SYNJ2: variants seen among roughly 807,000 people sequenced by gnomAD.
The protein encoded by SYNJ2 is synaptojanin 2.
SYNJ2 carries 116 observed loss-of-function variants against 141.3 expected under a neutral mutation model. The observed-to-expected ratio is 0.82, with a 90% CI of 0.71 to 0.96. The LOEUF is 0.96. Among genes scored for constraint, SYNJ2 ranks in the 40% least tolerant of loss-of-function variants. The pLI is 0.00. For missense variants in SYNJ2, 1,873 were observed against 1,934.8 expected, an observed-to-expected ratio of 0.97 and a Z score of 0.60; for synonymous variants, 745 against 777.7, an observed-to-expected ratio of 0.96 and a Z score of 0.70.
intron 1 of SYNJ2, among the ~76,000 whole-genome samples, chr6:157,983,326 ATTAAG>A (rs1393303359): frequency 2.6e-5 from 4 of 152,240 alleles, no homozygotes; most frequent in African/African-American, 7.2e-5. Context: ...TGAATTGTAG[ATTAAG>A]TTATTTTCAG....
At chr6:158,026,518 C>T (rs550571348) in intron 2 of SYNJ2, among the ~76,000 whole-genome samples, 46 of 152,246 alleles carry the variant, frequency 3.0e-4, no homozygotes, top group African/African-American at 9.6e-4. Flanking sequence ...CTCCCGACCC[C>T]CTCCTCCCTG....
At chr6:158,086,031 C>T (rs1011981832) in intron 22 of SYNJ2, among the ~76,000 whole-genome samples, 3 of 152,088 alleles carry the variant, frequency 2.0e-5, no homozygotes, top group South Asian at 4.1e-4. Flanking sequence ...TAGCGCAACA[C>T]GGGACACGTG....
intron 1 of SYNJ2, among the ~76,000 whole-genome samples, chr6:158,004,212 G>C (rs1056527558): frequency 7.9e-5 from 12 of 152,132 alleles, no homozygotes; most frequent in Admixed American, 7.9e-4. Context: ...ATGGATCTGA[G>C]ACCTGCTGGG....
At chr6:158,011,352 C>T (rs1745875482) in intron 1 of SYNJ2, among the ~76,000 whole-genome samples, 1 of 152,154 alleles carries the variant, frequency 6.6e-6, no homozygotes, top group Non-Finnish European at 1.5e-5. Flanking sequence ...GAATGAAGTT[C>T]TGCTGCCTGG....
intron 2 of SYNJ2, among the ~76,000 whole-genome samples, chr6:158,020,519 A>C (rs542510298): frequency 6.8e-6 from 1 of 147,622 alleles, no homozygotes; most frequent in Non-Finnish European, 1.5e-5. Context: ...TGTGACTCCA[A>C]CTGTGTACTG....
chr6:158,061,773 C>T (rs377065371), intron 7 of SYNJ2, among the ~76,000 whole-genome samples: 48 of 152,298 alleles, frequency 3.2e-4, no homozygotes, highest in African/African-American at 1.0e-3. Context: ...TCTGCCCTTT[C>T]GCAGGCAAGA....
chr6:158,036,845 T>A (rs1779664411), intron 4 of SYNJ2, among the ~76,000 whole-genome samples: 1 of 152,100 alleles, frequency 6.6e-6, no homozygotes, highest in South Asian at 2.1e-4. Context: ...GCTGGGTGGT[T>A]TTCTCTTTTC....
intron 20 of SYNJ2, among the ~76,000 whole-genome samples, chr6:158,082,227 G>A (rs904133802): frequency 5.3e-5 from 8 of 151,902 alleles, no homozygotes; most frequent in East Asian, 1.9e-4. Context: ...GGTGGCTTAC[G>A]CCTGTAATCT....
At chr6:158,093,481 G>A (rs938675857) in intron 26 of SYNJ2, among the ~76,000 whole-genome samples, 1 of 150,946 alleles carries the variant, frequency 6.6e-6, no homozygotes. Flanking sequence ...GCGTCTCACA[G>A]ATAAAAATCT....
At chr6:158,026,986 G>T (rs1204366001) in intron 2 of SYNJ2, 14 of 985,412 alleles carry the variant, frequency 1.4e-5, no homozygotes, top group Non-Finnish European at 1.7e-5. Context: ...TTTTGAGGTG[G>T]TTTCCTGAGG....
chr6:158,088,034 A>T (rs6929202), intron 23 of SYNJ2, among the ~76,000 whole-genome samples: 5,056 of 31,910 alleles, frequency 0.16, 240 homozygotes, highest in African/African-American at 0.2. Context: ...CTGCTTTGGA[A>T]TTTTTTTTTT....
At position 158,062,621 on chromosome 6, in the gene SYNJ2, G is replaced by A. The variant is rs1781293848; in HGVS notation, c.1127+457G>A. 3.3e-5 allele frequency among the ~76,000 whole-genome samples: 5 copies of A among 152,238 alleles called. No homozygotes were observed. The South Asian group carries it at 1.0e-3, about 32-fold the overall frequency. On this transcript the variant is annotated intron_variant, in intron 8 of 26. Transcript: ENST00000355585. Reference sequence around the variant, plus strand: ...TATGGACTTCCCTGTTCAGAGCAGAGGAGAAAAACGAAGTCCAGTTCCCTC... The same window carrying A: ...TATGGACTTCCCTGTTCAGAGCAGAAGAGAAAAACGAAGTCCAGTTCCCTC...
At chr6:158,008,845 A>T (rs1450084729) in intron 1 of SYNJ2, among the ~76,000 whole-genome samples, 1 of 152,154 alleles carries the variant, frequency 6.6e-6, no homozygotes, top group South Asian at 2.1e-4. Context: ...TCAGTTCTCA[A>T]CAGAGCAGCC....
At chr6:157,985,279 A>C (rs965696141) in intron 1 of SYNJ2, among the ~76,000 whole-genome samples, 1 of 152,010 alleles carries the variant, frequency 6.6e-6, no homozygotes, top group Non-Finnish European at 1.5e-5. Context: ...TCTAAAGTGA[A>C]CTCTTCACAC....
intron 1 of SYNJ2, among the ~76,000 whole-genome samples, chr6:158,010,373 C>A (rs1316277816): frequency 6.6e-6 from 1 of 152,198 alleles, no homozygotes; most frequent in Admixed American, 6.5e-5. Context: ...GAACCGGCCT[C>A]CTGGGAAGCC....
In SYNJ2 at chr6:158,006,423, G is replaced by C. The variant is rs148678576; in HGVS notation, c.128-10781G>C. On this transcript the variant is annotated intron_variant, in intron 1 of 26. Coordinates refer to ENST00000355585, the MANE Select transcript of SYNJ2 (RefSeq NM_003898.4). ...ACAAATTCTCAGTCCTCAAATTATA[G>C]ATGCAGAAGCAGCCTCTGACCTGCT... 6.2e-4 allele frequency among the ~76,000 whole-genome samples: 94 copies of C among 152,144 alleles called. No homozygotes were observed. In the East Asian group the frequency reaches 8.1e-3, roughly 13 times the overall value.
intron 5 of SYNJ2, among the ~76,000 whole-genome samples, chr6:158,046,157 G>A (rs747450814): frequency 6.6e-6 from 1 of 152,094 alleles, no homozygotes; most frequent in Non-Finnish European, 1.5e-5. Flanking sequence ...CGTTGACCAG[G>A]CTGGTTTTGA....
intron 1 of SYNJ2, among the ~76,000 whole-genome samples, chr6:158,014,240 G>A (rs1778369024): frequency 6.6e-6 from 1 of 152,230 alleles, no homozygotes; most frequent in Non-Finnish European, 1.5e-5. Flanking sequence ...CCTCTATGGT[G>A]TTTGGTAGGT....
At chr6:158,049,842 T>C (rs1413027992) in intron 5 of SYNJ2, among the ~76,000 whole-genome samples, 1 of 135,734 alleles carries the variant, frequency 7.4e-6, no homozygotes, top group Non-Finnish European at 1.6e-5. Context: ...ATGCCTCTGC[T>C]GGTATGCACG....
Sources: gnomAD v4.1 joint callset for allele counts (sites outside exome capture counted in the v4.1 genomes callset) on GRCh38, gnomAD v4.1.1 for gene constraint, MANE v1.5 for transcripts, NCBI Gene and HGNC (gene_info 2026-07-23, HGNC 2026-07-21) for gene names.